Variants in RALYL observed in about 807,000 individuals in gnomAD.
RALYL encodes RNA-binding Raly-like protein.
Under a neutral mutation model 35.1 loss-of-function variants are expected in RALYL, and 29 were observed. The ratio of observed to expected loss-of-function variants is 0.83; its 90% CI spans 0.61 to 1.13. The LOEUF is 1.13. Ranked by LOEUF, RALYL falls within the 50% of genes most tolerant of loss-of-function variation. The pLI, the probability that RALYL is intolerant of heterozygous loss-of-function variation, is 0.00. For missense variants in RALYL, 359 were observed against 360.4 expected (o/e 1.00, Z 0.03); for synonymous variants, 120 against 127.6 (o/e 0.94, Z 0.40).
In RALYL at chr8:84,271,466, TTGTGTGTGTG is replaced by T. The variant is rs60994368; in HGVS notation, c.-24+87058_-24+87067del. Among the ~76,000 whole-genome samples, 650 of 143,652 alleles carry T rather than the reference TTGTGTGTGTG, an allele frequency of 4.5e-3. 5 individuals are homozygous for T. Among genetic ancestry groups the T allele is most frequent in the African/African-American group, 0.016 (609 of 38,622 alleles). The allele number at this position is 143,652 out of a possible 152,430, so 94.2% of individuals were successfully genotyped here. On this transcript the variant is annotated intron_variant, in intron 1 of 8. Transcript: ENST00000521268. ...ATCTAGTAGCCACTTTAGAAAATAG[TTGTGTGTGTG>T]TGTGTGTGTGTGTGTTTTAACATTC...
At chr8:84,682,646 C>G (rs534829106) in intron 2 of RALYL, among the ~76,000 whole-genome samples, 1 of 152,148 alleles carries the variant, frequency 6.6e-6, no homozygotes, top group Non-Finnish European at 1.5e-5. Context: ...TTATAGTATT[C>G]TCTGATGGTA....
At chr8:84,473,766 A>C (rs1445754103) in intron 1 of RALYL, among the ~76,000 whole-genome samples, 1 of 151,900 alleles carries the variant, frequency 6.6e-6, no homozygotes, top group Non-Finnish European at 1.5e-5. Context: ...GTCACTTAAT[A>C]GTGTTATTTT....
At chr8:84,500,850 A>C (rs545656364) in intron 1 of RALYL, among the ~76,000 whole-genome samples, 1 of 152,304 alleles carries the variant, frequency 6.6e-6, no homozygotes, top group South Asian at 2.1e-4. Context: ...TTTGAATCTC[A>C]AAATAATTAG....
At chr8:84,234,437 G>T (rs1489203145) in intron 1 of RALYL, among the ~76,000 whole-genome samples, 1 of 152,178 alleles carries the variant, frequency 6.6e-6, no homozygotes, top group Non-Finnish European at 1.5e-5. Flanking sequence ...GAATCCTTGA[G>T]CTTAAACTGA....
At chr8:84,611,676 G>T (rs376437023) in intron 2 of RALYL, among the ~76,000 whole-genome samples, 10 of 152,204 alleles carry the variant, frequency 6.6e-5, no homozygotes, top group African/African-American at 2.4e-4. Context: ...TTCATAGCCT[G>T]TTTGATTAAC....
At chr8:84,666,006 T>C (rs899426193) in intron 2 of RALYL, 1 of 152,092 alleles carries the variant, frequency 6.6e-6, no homozygotes, top group Non-Finnish European at 1.5e-5. Context: ...TTGTATTTTC[T>C]GGATATAGAT....
intron 8 of RALYL, among the ~76,000 whole-genome samples, chr8:84,888,345 G>A (rs906458461): frequency 5.3e-5 from 8 of 152,124 alleles, no homozygotes; most frequent in African/African-American, 1.7e-4. Flanking sequence ...TCCTAATATT[G>A]TAATCATTAT....
At chr8:84,388,460 A>G (rs931335846) in intron 1 of RALYL, among the ~76,000 whole-genome samples, 1 of 152,190 alleles carries the variant, frequency 6.6e-6, no homozygotes, top group East Asian at 1.9e-4. Flanking sequence ...TCCCACCAAC[A>G]GTGTAAAAGT....
intron 2 of RALYL, among the ~76,000 whole-genome samples, chr8:84,713,688 A>G (rs947464843): frequency 6.6e-6 from 1 of 151,962 alleles, no homozygotes; most frequent in East Asian, 1.9e-4. Context: ...TCCTCATAAA[A>G]TAAAAATAGA....
In RALYL at chr8:84,504,451, T is replaced by C. The variant is rs547620489; in HGVS notation, c.-23-24848T>C. ...ATAACATTTTGACTGTGCATATAAC[T>C]TTACCCTATAATTACTTTTGATAAT... On this transcript the variant is annotated intron_variant, in intron 1 of 8. Transcript: ENST00000521268. Among the ~76,000 whole-genome samples the C allele has an allele frequency of 1.1e-3, 165 of 152,228 alleles. 3 individuals are homozygous for C. The highest frequency in any genetic ancestry group is 3.9e-3 in the African/African-American group (162 of 41,554).
chr8:84,231,587 C>A (rs1529989), intron 1 of RALYL, among the ~76,000 whole-genome samples: 61,544 of 151,898 alleles, frequency 0.41, 14,331 homozygotes, highest in East Asian at 0.59. Flanking sequence ...GGCTGGAGGG[C>A]CTTTTTAAAG....
chr8:84,326,425 A>G (rs1286964351), intron 1 of RALYL, among the ~76,000 whole-genome samples: 1 of 152,204 alleles, frequency 6.6e-6, no homozygotes, highest in Non-Finnish European at 1.5e-5. Context: ...ATAAAATTAG[A>G]GTATTTTCTC....
chr8:84,768,994 G>C (rs1814772105), intron 2 of RALYL, among the ~76,000 whole-genome samples: 1 of 152,086 alleles, frequency 6.6e-6, no homozygotes, highest in African/African-American at 2.4e-5. Context: ...CAAGATAAAT[G>C]CTACAATATT....
At chr8:84,194,478 A>G (rs900648290) in intron 1 of RALYL, among the ~76,000 whole-genome samples, 1 of 152,202 alleles carries the variant, frequency 6.6e-6, no homozygotes. Flanking sequence ...CTACAGAAAT[A>G]AATTCTGCAG....
intron 3 of RALYL, among the ~76,000 whole-genome samples, chr8:84,793,221 G>A (rs1821200714): frequency 6.6e-6 from 1 of 152,106 alleles, no homozygotes; most frequent in South Asian, 2.1e-4. Flanking sequence ...GATAAGAAAA[G>A]ATAGAAAAGA....
intron 2 of RALYL, among the ~76,000 whole-genome samples, chr8:84,713,345 A>G (rs1256519749): frequency 1.3e-5 from 2 of 152,056 alleles, no homozygotes; most frequent in African/African-American, 2.4e-5. Flanking sequence ...AATATTAATC[A>G]TAACTCAAAC....
At position 84,659,463 on chromosome 8, in the gene RALYL, C is replaced by T. The variant is rs369617657; in HGVS notation, c.257-115116C>T. ...GAGTGAGCCTTTGGTCAATGGAAGG[C>T]AATCAGAAAAGGCTGTTTGATAAAG... is the stretch of plus-strand genomic sequence containing the variant. On this transcript the variant is annotated intron_variant, in intron 2 of 8. Coordinates refer to ENST00000521268, the MANE Select transcript of RALYL (RefSeq NM_173848.7). Among the ~76,000 whole-genome samples, 28 of 152,118 alleles carry T rather than the reference C, an allele frequency of 1.8e-4. No individual in the cohort carries two copies. The South Asian group carries it at 5.4e-3, about 29-fold the overall frequency.
intron 8 of RALYL, among the ~76,000 whole-genome samples, chr8:84,893,788 A>C (rs530807118): frequency 1.3e-5 from 2 of 152,332 alleles, no homozygotes; most frequent in South Asian, 4.1e-4. Context: ...CAAAACATTT[A>C]AATGGATTAA....
chr8:84,434,504 A>G (rs1204585224), intron 1 of RALYL, among the ~76,000 whole-genome samples: 2 of 152,182 alleles, frequency 1.3e-5, no homozygotes, highest in Non-Finnish European at 2.9e-5. Context: ...TTCACAATGT[A>G]TACAGGTACC....
Sources: allele counts gnomAD v4.1 joint callset (sites outside exome capture counted in the v4.1 genomes callset), GRCh38; gene constraint gnomAD v4.1.1; transcripts MANE v1.5; gene names NCBI Gene and HGNC (gene_info 2026-07-23, HGNC 2026-07-21).